The following CNST variants were observed in gnomAD, a reference collection of about 807,000 sequenced individuals.
CNST encodes the protein consortin, connexin sorting protein, also known as consortin.
CNST carries 39 observed loss-of-function variants against 72.4 expected under a neutral mutation model. The ratio of observed to expected loss-of-function variants is 0.54; its 90% CI spans 0.42 to 0.70. The LOEUF is 0.70. Among genes scored for constraint, CNST ranks in the 30% least tolerant of loss-of-function variants. The probability of loss-of-function intolerance (pLI) is 0.00; values close to 1 mark genes in which losing one functional copy is unlikely to be tolerated. For missense variants in CNST, 871 were observed against 868.5 expected, an observed-to-expected ratio of 1.00 and a Z score of -0.04; for synonymous variants, 332 against 320.1, an observed-to-expected ratio of 1.04 and a Z score of -0.40.
At chr1:246,585,851 G>A (rs1226387664) in intron 1 of CNST, among the ~76,000 whole-genome samples, 3 of 151,704 alleles carry the variant, frequency 2.0e-5, no homozygotes, top group Admixed American at 2.0e-4. Flanking sequence ...AGGCTGAGGT[G>A]GCAGGATCAC....
At chr1:246,603,314 A>G (rs1572156517) in intron 2 of CNST, among the ~76,000 whole-genome samples, 1 of 151,640 alleles carries the variant, frequency 6.6e-6, no homozygotes, top group East Asian at 2.0e-4. Context: ...CTTTACTGTG[A>G]AAGTCAAACT....
rs1296805976 is a variant in CNST at position 246,647,403 on chromosome 1, A to C, written c.1202A>C (p.Gln401Pro). 1 of 1,614,158 alleles carries C rather than the reference A, an allele frequency of 6.2e-7. No individual in the cohort carries two copies. Among genetic ancestry groups the C allele is most frequent in the Non-Finnish European group, 8.5e-7 (1 of 1,180,034 alleles). The part of the protein sequence containing the change: ...EDACEDDSRL[Q>P]LAQTEACQDV... Reference sequence around the variant, plus strand: ...GCTTGTGAGGATGACAGTCGCTTGCAGCTGGCTCAAACAGAGGCCTGCCAG... The same window carrying C: ...GCTTGTGAGGATGACAGTCGCTTGCCGCTGGCTCAAACAGAGGCCTGCCAG... Residue 401 changes from glutamine to proline, a missense_variant, in exon 9 of 11, where the codon CAG becomes CCG. Gln to Pro is a moderately conservative substitution (Grantham distance 76). Coordinates refer to ENST00000366513, the MANE Select transcript of CNST (RefSeq NM_152609.3).
rs1227340581 is a variant in CNST, at chr1:246,666,892, A to C, written c.*987A>C. The C allele has an allele frequency of 1.3e-5, 2 of 152,230 alleles. No homozygotes were observed. The highest frequency in any genetic ancestry group is 2.9e-5 in the Non-Finnish European group (2 of 68,044). 9.4% of individuals were successfully genotyped at this position (152,230 alleles called of 1,614,324 possible). ...AACCAGTACTTTGCTGAGTGAAATC[A>C]CCATATAGAATTCAGTATTAACAGA... On this transcript the variant is annotated 3_prime_UTR_variant, in exon 11 of 11. Transcript: ENST00000366513.
intron 2 of CNST, among the ~76,000 whole-genome samples, chr1:246,613,285 C>T (rs1454404048): frequency 6.6e-6 from 1 of 152,114 alleles, no homozygotes; most frequent in East Asian, 1.9e-4. Flanking sequence ...CATGACTTTC[C>T]ACAATTTGCC....
chr1:246,660,281 A>T lies in CNST; in HGVS notation c.1919A>T (p.Lys640Ile). Residue 640 changes from lysine (K) to isoleucine (I), a missense_variant, in exon 10 of 11, where the codon AAA becomes ATA. Coordinates refer to ENST00000366513, the MANE Select transcript of CNST (RefSeq NM_152609.3). Reference sequence around the variant, plus strand: ...GATCATCCTGCCCAAATGCAACACAAACCATCTAAGCGAAGAGTGAGATTC... The same window carrying T: ...GATCATCCTGCCCAAATGCAACACATACCATCTAAGCGAAGAGTGAGATTC... ...VGDHPAQMQH[K>I]PSKRRVRFQE... 1 of 1,614,172 alleles carries T rather than the reference A, an allele frequency of 6.2e-7. No individual in the cohort carries two copies. The highest frequency in any genetic ancestry group is 8.5e-7 in the Non-Finnish European group (1 of 1,179,998).
chr1:246,606,673 C>A (rs1484034348), intron 2 of CNST: 1 of 151,016 alleles, frequency 6.6e-6, no homozygotes, highest in Non-Finnish European at 1.5e-5. Context: ...GGTGGCAGGA[C>A]CGTAATATTC....
At chr1:246,619,559 G>A (rs139719654) in intron 2 of CNST, among the ~76,000 whole-genome samples, 4 of 152,306 alleles carry the variant, frequency 2.6e-5, no homozygotes, top group Admixed American at 6.5e-5. Context: ...AGCGTCATAC[G>A]AGGCCATATA....
intron 3 of CNST, among the ~76,000 whole-genome samples, chr1:246,628,937 A>G (rs1305209924): frequency 1.3e-5 from 2 of 152,210 alleles, no homozygotes; most frequent in Non-Finnish European, 2.9e-5. Flanking sequence ...AATTCATTCC[A>G]AATCAGACTC....
chr1:246,633,339 C>T (rs1664898908), intron 4 of CNST, among the ~76,000 whole-genome samples: 1 of 151,930 alleles, frequency 6.6e-6, no homozygotes, highest in Non-Finnish European at 1.5e-5. Context: ...ATCCCAGCTA[C>T]TCTGGAGGCT....
chr1:246,616,680 G>A (rs1278903216), intron 2 of CNST, among the ~76,000 whole-genome samples: 3 of 151,992 alleles, frequency 2.0e-5, no homozygotes, highest in Admixed American at 6.6e-5. Context: ...TCAGCCTCCC[G>A]AGTAGCTGGG....
Position 246,647,915 on chromosome 1 carries a change from G to C in CNST, c.1714G>C (p.Asp572His), listed in dbSNP as rs753606475. 7.1e-5 allele frequency: 115 copies of C among 1,613,638 alleles called. No individual in the cohort carries two copies. Among genetic ancestry groups the C allele is most frequent in the Non-Finnish European group, 9.2e-5 (108 of 1,179,948 alleles). ...SLSYEDNQDDDSDLLQDLSPE... is the reference protein window; with the variant it reads ...SLSYEDNQDDHSDLLQDLSPE... ...TTCCTATGAAGATAACCAAGACGACGACTCCGATCTCCTTCAAGATCTCTC... is the reference window on the plus strand; with the variant it reads ...TTCCTATGAAGATAACCAAGACGACCACTCCGATCTCCTTCAAGATCTCTC... The change falls in exon 9 of 11, where the codon GAC becomes CAC. Residue 572 changes from aspartate to histidine, a missense_variant. By Grantham distance (81) the Asp-to-His change is moderately conservative. Transcript: ENST00000366513.
intron 2 of CNST, among the ~76,000 whole-genome samples, chr1:246,608,351 AAAG>A (rs901958612): frequency 7.9e-5 from 12 of 152,260 alleles, no homozygotes; most frequent in African/African-American, 2.9e-4. Context: ...TTTTTTTAAA[AAAG>A]AAGAGGTTTA....
intron 1 of CNST, among the ~76,000 whole-genome samples, chr1:246,572,917 TCCA>T (rs1660155199): frequency 6.6e-6 from 1 of 152,098 alleles, no homozygotes; most frequent in Non-Finnish European, 1.5e-5. Flanking sequence ...GATTTTTTTT[TCCA>T]CTTGTGAAGC....
At chr1:246,586,875 C>T (rs1386417161) in intron 1 of CNST, among the ~76,000 whole-genome samples, 1 of 152,140 alleles carries the variant, frequency 6.6e-6, no homozygotes, top group Non-Finnish European at 1.5e-5. Context: ...ACAACATATA[C>T]ACCTGAAAAC....
chr1:246,642,974 G>A (rs926936450), intron 8 of CNST, among the ~76,000 whole-genome samples: 4 of 148,726 alleles, frequency 2.7e-5, no homozygotes, highest in East Asian at 2.0e-4. Context: ...TCATTGCAGC[G>A]ATCTCCTGGG....
chr1:246,659,568 C>T (rs1278140025), intron 9 of CNST, among the ~76,000 whole-genome samples: 1 of 151,454 alleles, frequency 6.6e-6, no homozygotes, highest in Non-Finnish European at 1.5e-5. Flanking sequence ...GCACTCCAGC[C>T]TGGGCGACAG....
intron 1 of CNST, among the ~76,000 whole-genome samples, chr1:246,567,390 C>T (rs1278080397): frequency 6.6e-6 from 1 of 151,378 alleles, no homozygotes; most frequent in Non-Finnish European, 1.5e-5. Context: ...TTAGAAGACA[C>T]GGTTCTTTGA....
At chr1:246,591,405 C>T in intron 1 of CNST, 107 bp from the exon 2 acceptor site, 1 of 794,248 alleles carries the variant, frequency 1.3e-6, no homozygotes, top group South Asian at 1.8e-5. Context: ...ATTTCCTTCT[C>T]TTCCCTATTT....
intron 7 of CNST, 42 bp from the exon 8 acceptor site, chr1:246,641,899 A>T (rs1273530234): frequency 6.7e-7 from 1 of 1,493,108 alleles, no homozygotes; most frequent in South Asian, 1.2e-5. Context: ...TTAATACAAC[A>T]GTTTCCCCAA....
Sources: gnomAD v4.1 joint callset for allele counts (sites outside exome capture counted in the v4.1 genomes callset) on GRCh38, gnomAD v4.1.1 for gene constraint, MANE v1.5 for transcripts, NCBI Gene and HGNC (gene_info 2026-07-23, HGNC 2026-07-21) for gene names.